RTKN: variants seen among roughly 807,000 people sequenced by gnomAD.
The protein encoded by RTKN is rhotekin.
A neutral mutation model predicts 63.5 loss-of-function variants in RTKN; 49 were observed. The observed-to-expected ratio is 0.77, with a 90% CI of 0.61 to 0.98. The LOEUF (loss-of-function observed/expected upper bound fraction) is 0.98, where lower values mean the gene tolerates loss of function less well. Among genes scored for constraint, RTKN ranks in the 50% least tolerant of loss-of-function variants. The pLI is 0.00. For synonymous variants in RTKN, 295 were observed against 290.4 expected (o/e 1.02, Z -0.16); for missense variants, 685 against 740.8 (o/e 0.92, Z 0.87).
intron 1 of RTKN, among the ~76,000 whole-genome samples, chr2:74,435,589 C>T (rs1671011673): frequency 6.6e-6 from 1 of 152,164 alleles, no homozygotes. Context: ...CAAGAAACAG[C>T]CTCTGTTTGC....
chr2:74,438,391 G>A (rs1200751491), intron 1 of RTKN, among the ~76,000 whole-genome samples: 1 of 152,144 alleles, frequency 6.6e-6, no homozygotes, highest in Non-Finnish European at 1.5e-5. Flanking sequence ...TGAAGTGGGA[G>A]TGAAACAGCC....
At chr2:74,432,811 A>G in intron 1 of RTKN, 145 bp from the exon 2 acceptor site, 1 of 647,796 alleles carries the variant, frequency 1.5e-6, no homozygotes, top group Admixed American at 2.9e-5. Flanking sequence ...ATTGGGTCTC[A>G]ATCTCAGCTG....
chr2:74,426,169 C>T lies in RTKN; in HGVS notation c.*74G>A, dbSNP rs893074991. The stretch of plus-strand genomic sequence containing the variant: ...AGACTGGCCAACTTGCTATAGACAG[C>T]GCCGTATCCAGAGCCCAACTGCGCA... On this transcript the variant is annotated 3_prime_UTR_variant, in exon 12 of 12. Coordinates refer to ENST00000272430, the MANE Select transcript of RTKN (RefSeq NM_001015055.2). The T allele has an allele frequency of 1.3e-5, 17 of 1,354,680 alleles. No homozygotes were observed. The highest frequency in any genetic ancestry group is 3.6e-5 in the Admixed American group (2 of 55,062). 83.9% of individuals were successfully genotyped at this position (1,354,680 alleles called of 1,614,324 possible). A position where few individuals can be genotyped will look rare whatever the true frequency, so the allele number is the denominator to read the frequency against.
intron 2 of RTKN, chr2:74,430,979 A>C (rs187668061): frequency 2.6e-6 from 1 of 383,058 alleles, no homozygotes; most frequent in African/African-American, 2.0e-5. Context: ...GGACAGGTGC[A>C]GCCTTGAGGG....
At chr2:74,438,323 T>C in intron 1 of RTKN, among the ~76,000 whole-genome samples, 1 of 152,098 alleles carries the variant, frequency 6.6e-6, no homozygotes, top group Non-Finnish European at 1.5e-5. Flanking sequence ...CCATTTGAAA[T>C]CTACTCCCTT....
At position 74,429,840 on chromosome 2, in the gene RTKN, G is replaced by T. The variant is rs746657691; in HGVS notation, c.743C>A (p.Thr248Asn). ...TGCAAGGCCTTACCCAACAACTGGG[G>T]TGGGGAGCAAGATGGGACTGCTCCC... ...GSGSSPILLP[T>N]PVVGGPRYHL... Residue 248 changes from threonine to asparagine, a missense_variant, in exon 6 of 12, where the codon ACC becomes AAC. By Grantham distance (65) the Thr-to-Asn change is moderately conservative. Transcript: ENST00000272430. 27 of 1,613,624 alleles carry T rather than the reference G, an allele frequency of 1.7e-5. No individual in the cohort carries two copies. Among genetic ancestry groups the T allele is most frequent in the Non-Finnish European group, 2.2e-5 (26 of 1,179,878 alleles).
Position 74,429,858 on chromosome 2 carries a change from C to T in RTKN, c.725G>A (p.Ser242Asn). 1.9e-6 allele frequency: 3 copies of T among 1,614,090 alleles called. No homozygotes were observed. Among genetic ancestry groups the T allele is most frequent in the Non-Finnish European group, 2.5e-6 (3 of 1,180,032 alleles). The change falls in exon 6 of 12, where the codon AGT becomes AAT. Residue 242 changes from serine (S) to asparagine (N), a missense_variant. By Grantham distance (46) the Ser-to-Asn change is conservative. Coordinates refer to ENST00000272430, the MANE Select transcript of RTKN (RefSeq NM_001015055.2). ...AACTGGGGTGGGGAGCAAGATGGGA[C>T]TGCTCCCTGAACCCCCAGCACTGTC... is the stretch of plus-strand genomic sequence containing the variant. ...SLDSAGGSGS[S>N]PILLPTPVVG... is the part of the protein sequence containing the mutation.
rs199516179 is a variant in RTKN at position 74,430,537 on chromosome 2, A to G, written c.374-19T>C. On this transcript the variant is annotated intron_variant, in intron 3 of 11. Coordinates refer to ENST00000272430, the MANE Select transcript of RTKN (RefSeq NM_001015055.2). Reference sequence around the variant, plus strand: ...CGGAGGTCTAAGGGGCAGAGGGGTAAGAATAGATGTTGAGATGGGGCAGGA... The same window carrying G: ...CGGAGGTCTAAGGGGCAGAGGGGTAGGAATAGATGTTGAGATGGGGCAGGA... 4.2e-5 allele frequency: 68 copies of G among 1,613,964 alleles called. No individual in the cohort carries two copies. The African/African-American group carries it at 8.3e-4, about 20-fold the overall frequency.
intron 6 of RTKN, 121 bp from the exon 7 acceptor site, chr2:74,429,063 C>A: frequency 1.3e-6 from 1 of 744,442 alleles, no homozygotes. Flanking sequence ...GCTTGCCTCC[C>A]CAGAGGGTTA....
chr2:74,426,930 G>C lies in RTKN; in HGVS notation c.1360+239C>G, dbSNP rs543837143. On this transcript the variant is annotated intron_variant, in intron 11 of 11. Transcript: ENST00000272430. Reference sequence around the variant, plus strand: ...AGGGAAACAGAAAAGAAGAAATTAGGAAAGAAATTAATGAAATGATCCTGG... The same window carrying C: ...AGGGAAACAGAAAAGAAGAAATTAGCAAAGAAATTAATGAAATGATCCTGG... 8 of 985,292 alleles carry C rather than the reference G, an allele frequency of 8.1e-6. No homozygotes were observed. In the South Asian group the frequency reaches 3.3e-4, roughly 41 times the overall value. 61.0% of individuals were successfully genotyped at this position (985,292 alleles called of 1,614,324 possible). A position where few individuals can be genotyped will look rare whatever the true frequency, so the allele number is the denominator to read the frequency against.
chr2:74,430,232 CCA>C lies in RTKN; in HGVS notation c.545+18_545+19del. ...GGAGCAGAGTGGAGGAAGGAGGTAGCCACAGTGTGAGGTACTCACAAGAGCAC... is the reference window on the plus strand; with the variant it reads ...GGAGCAGAGTGGAGGAAGGAGGTAGCCAGTGTGAGGTACTCACAAGAGCAC... On this transcript the variant is annotated intron_variant, in intron 5 of 11. Coordinates refer to ENST00000272430, the MANE Select transcript of RTKN (RefSeq NM_001015055.2). The C allele has an allele frequency of 6.3e-7, 1 of 1,599,342 alleles. No individual in the cohort carries two copies. The highest frequency in any genetic ancestry group is 8.6e-7 in the Non-Finnish European group (1 of 1,166,706).
chr2:74,428,154 G>A, intron 9 of RTKN, 114 bp downstream of exon 9: 1 of 1,399,136 alleles, frequency 7.1e-7, no homozygotes, highest in Non-Finnish European at 9.9e-7. Flanking sequence ...GGCACTGTCA[G>A]GAGCAGGAGG....
intron 1 of RTKN, among the ~76,000 whole-genome samples, chr2:74,439,208 T>C (rs970530720): frequency 2.0e-5 from 3 of 152,224 alleles, no homozygotes; most frequent in Non-Finnish European, 2.9e-5. Flanking sequence ...TTCTCTTCTC[T>C]AGCAAGGCTA....
At chr2:74,439,818 T>C in intron 1 of RTKN, 2 of 1,402,264 alleles carry the variant, frequency 1.4e-6, no homozygotes, top group Non-Finnish European at 9.3e-7. Flanking sequence ...TGACAAATTT[T>C]CCTCGCCCAC....
chr2:74,432,198 T>G, intron 2 of RTKN: 1 of 611,722 alleles, frequency 1.6e-6, no homozygotes, highest in South Asian at 1.7e-5. Context: ...CTTAGCAAAT[T>G]AGTGCTTTTG....
intron 1 of RTKN, among the ~76,000 whole-genome samples, 160 bp from the exon 2 acceptor site, chr2:74,432,826 C>T (rs1282898349): frequency 1.3e-5 from 2 of 152,094 alleles, no homozygotes; most frequent in African/African-American, 4.8e-5. Context: ...CAGCTGCCCA[C>T]GAATAACCAG....
Position 74,426,572 on chromosome 2 carries a change from T to A in RTKN, c.1363A>T (p.Ile455Phe), listed in dbSNP as rs757566412. 2.6e-6 allele frequency: 4 copies of A among 1,525,074 alleles called. No individual in the cohort carries two copies. Among genetic ancestry groups the A allele is most frequent in the Non-Finnish European group, 3.5e-6 (4 of 1,134,396 alleles). The allele number at this position is 1,525,074 out of a possible 1,614,324, so 94.5% of individuals were successfully genotyped here. Residue 455 changes from isoleucine to phenylalanine, a missense_variant and splice_region_variant, in exon 12 of 12, where the codon ATT becomes TTT. By Grantham distance (21) the Ile-to-Phe change is conservative. Coordinates refer to ENST00000272430, the MANE Select transcript of RTKN (RefSeq NM_001015055.2). ...KQGSLYHEMA[I>F]EPLDDIAAVT... ...GCTGCGATGTCATCCAGCGGCTCAA[T>A]AGCTGTGGCACCAGGAAGGGGTTGG... is the stretch of plus-strand genomic sequence containing the variant.
chr2:74,427,001 AG>A (rs1445273770), intron 11 of RTKN, 167 bp downstream of exon 11: 1 of 985,118 alleles, frequency 1.0e-6, no homozygotes, highest in Admixed American at 6.1e-5. Flanking sequence ...GGTTCTAAAA[AG>A]AGTTGGAGAG....
chr2:74,430,510 T>A lies in RTKN; in HGVS notation c.382A>T (p.Ile128Phe). The change falls in exon 4 of 12, where the codon ATT becomes TTT. Residue 128 changes from isoleucine (I) to phenylalanine (F), a missense_variant. By Grantham distance (21) the Ile-to-Phe change is conservative. Transcript: ENST00000272430. The part of the protein sequence containing the change: ...RGRVCISDLR[I>F]PLMWKDTEYF... ...TCTGTGTCCTTCCACATGAGTGGAATCCGGAGGTCTAAGGGGCAGAGGGGT... is the reference window on the plus strand; with the variant it reads ...TCTGTGTCCTTCCACATGAGTGGAAACCGGAGGTCTAAGGGGCAGAGGGGT... 1.2e-6 allele frequency: 2 copies of A among 1,614,082 alleles called. No homozygotes were observed. The highest frequency in any genetic ancestry group is 1.7e-6 in the Non-Finnish European group (2 of 1,179,952).
Sources: gnomAD v4.1 joint callset for allele counts (sites outside exome capture counted in the v4.1 genomes callset) on GRCh38, gnomAD v4.1.1 for gene constraint, MANE v1.5 for transcripts, NCBI Gene and HGNC (gene_info 2026-07-23, HGNC 2026-07-21) for gene names.